SMG6: variants seen among roughly 807,000 people sequenced by gnomAD.
SMG6 encodes the protein telomerase-binding protein EST1A.
SMG6 carries 66 observed loss-of-function variants against 142.2 expected under a neutral mutation model. The observed-to-expected ratio is 0.46, with a 90% confidence interval of 0.38 to 0.57. The LOEUF (loss-of-function observed/expected upper bound fraction) is 0.57, where lower values mean the gene tolerates loss of function less well. SMG6 is among the 20% of genes least tolerant of loss of function. The pLI, the probability that SMG6 is intolerant of heterozygous loss-of-function variation, is 0.00. For synonymous variants in SMG6, 779 were observed against 702.4 expected (o/e 1.11, Z -1.72); for missense variants, 1,793 against 1,832.0 (o/e 0.98, Z 0.39).
At chr17:2,165,807 A>AG (rs1382201782) in intron 13 of SMG6, among the ~76,000 whole-genome samples, 3 of 152,152 alleles carry the variant, frequency 2.0e-5, no homozygotes, top group Admixed American at 1.3e-4. Context: ...CAGGAGGCTG[A>AG]GGGGGGAGGA....
chr17:2,136,000 GTGT>G (rs1567626514), intron 13 of SMG6, among the ~76,000 whole-genome samples: 1 of 41,644 alleles, frequency 2.4e-5, no homozygotes, highest in East Asian at 3.0e-4. Flanking sequence ...ATATTTATGT[GTGT>G]GTGTGTGTGT....
chr17:2,269,390 C>T (rs1045539540), intron 8 of SMG6, among the ~76,000 whole-genome samples: 16 of 115,162 alleles, frequency 1.4e-4, no homozygotes, highest in Non-Finnish European at 2.4e-4. Context: ...AGACTCTGTC[C>T]CAAAAAAAAA....
At chr17:2,164,559 G>A (rs972732568) in intron 13 of SMG6, among the ~76,000 whole-genome samples, 2 of 152,168 alleles carry the variant, frequency 1.3e-5, no homozygotes, top group Non-Finnish European at 2.9e-5. Context: ...AGCGTGCCGA[G>A]ATCGCGCCAC....
intron 8 of SMG6, among the ~76,000 whole-genome samples, chr17:2,257,777 G>T (rs1003215785): frequency 2.0e-5 from 3 of 151,788 alleles, no homozygotes; most frequent in Admixed American, 6.6e-5. Context: ...CCAGCACTTT[G>T]GGGGGCTGGG....
In SMG6 at chr17:2,066,652, TACACACACACACAC is replaced by T. The variant is rs1161956483; in HGVS notation, c.3836-987_3836-974del. Among the ~76,000 whole-genome samples the T allele has an allele frequency of 5.8e-4, 69 of 119,588 alleles. 1 individual carries two copies. Among genetic ancestry groups the T allele is most frequent in the South Asian group, 5.2e-3 (17 of 3,280 alleles). The allele number at this position is 119,588 out of a possible 152,430, so 78.5% of individuals were successfully genotyped here. A position where few individuals can be genotyped will look rare whatever the true frequency, so the allele number is the denominator to read the frequency against. On this transcript the variant is annotated intron_variant, in intron 16 of 18. Coordinates refer to ENST00000263073, the MANE Select transcript of SMG6 (RefSeq NM_017575.5). Reference sequence around the variant, plus strand: ...TTTCTGGAAAGGGCCCATGTGGGAATACACACACACACACACACACACACACACACACACACACA... The same window carrying T: ...TTTCTGGAAAGGGCCCATGTGGGAATACACACACACACACACACACACACA...
chr17:2,245,495 G>A (rs2151303544), intron 8 of SMG6, among the ~76,000 whole-genome samples: 1 of 151,946 alleles, frequency 6.6e-6, no homozygotes, highest in South Asian at 2.1e-4. Context: ...AGCAATTCTC[G>A]TGTCTCAGCC....
At chr17:2,184,306 T>C (rs2071901558) in intron 12 of SMG6, among the ~76,000 whole-genome samples, 1 of 148,236 alleles carries the variant, frequency 6.7e-6, no homozygotes, top group Non-Finnish European at 1.5e-5. Flanking sequence ...GAGGCTACAG[T>C]GAACTGAGAT....
At chr17:2,259,470 G>GA (rs2074264687) in intron 8 of SMG6, among the ~76,000 whole-genome samples, 1 of 151,852 alleles carries the variant, frequency 6.6e-6, no homozygotes, top group Non-Finnish European at 1.5e-5. Context: ...TTGGGCCCAG[G>GA]AGTTTGACCA....
chr17:2,188,816 C>T (rs1392843739), intron 10 of SMG6, among the ~76,000 whole-genome samples: 1 of 152,152 alleles, frequency 6.6e-6, no homozygotes, highest in African/African-American at 2.4e-5. Flanking sequence ...CCTTTAGCTG[C>T]CTACTGATAA....
chr17:2,182,431 C>G (rs1313510590), intron 12 of SMG6, among the ~76,000 whole-genome samples: 1 of 152,142 alleles, frequency 6.6e-6, no homozygotes, highest in African/African-American at 2.4e-5. Flanking sequence ...GTGAGTGCCG[C>G]CCACACCGTT....
chr17:2,073,271 AT>A (rs2068158449), intron 15 of SMG6, among the ~76,000 whole-genome samples: 1 of 151,852 alleles, frequency 6.6e-6, no homozygotes, highest in Non-Finnish European at 1.5e-5. Context: ...TTTAGTAGAG[AT>A]GGGGTTTCAC....
chr17:2,176,544 T>A (rs146110392), intron 12 of SMG6, among the ~76,000 whole-genome samples: 1 of 152,224 alleles, frequency 6.6e-6, no homozygotes, highest in East Asian at 1.9e-4. Flanking sequence ...GTCCACAATA[T>A]CCCGCTAAAG....
In SMG6 at chr17:2,065,646, T is replaced by G; in HGVS notation, c.3869A>C (p.Gln1290Pro). 1 of 1,613,730 alleles carries G rather than the reference T, an allele frequency of 6.2e-7. No individual in the cohort carries two copies. The highest frequency in any genetic ancestry group is 8.5e-7 in the Non-Finnish European group (1 of 1,179,996). The part of the protein sequence containing the change: ...INELDGLAKG[Q>P]ETDHRAGGYA... Reference sequence around the variant, plus strand: ...GCCCCCAGCCCGGTGGTCTGTCTCCTGCCCCTTGGCCAGGCCGTCCAGCTC... The same window carrying G: ...GCCCCCAGCCCGGTGGTCTGTCTCCGGCCCCTTGGCCAGGCCGTCCAGCTC... Residue 1290 changes from glutamine (Q) to proline (P), a missense_variant, in exon 17 of 19, where the codon CAG (glutamine) becomes CCG (proline). Around this residue, in one of 3 missense-constraint regions of SMG6, gnomAD observed 179 missense variants for 212.6 expected, o/e 0.84. Transcript: ENST00000263073.
chr17:2,193,496 G>A (rs2072228514), intron 10 of SMG6, among the ~76,000 whole-genome samples: 1 of 152,168 alleles, frequency 6.6e-6, no homozygotes, highest in African/African-American at 2.4e-5. Flanking sequence ...AGCCCTCGCT[G>A]TCAGTGTTCC....
At chr17:2,177,296 T>C (rs767183410) in intron 12 of SMG6, among the ~76,000 whole-genome samples, 4 of 152,254 alleles carry the variant, frequency 2.6e-5, no homozygotes, top group Non-Finnish European at 5.9e-5. Flanking sequence ...TAATCTACCT[T>C]CTTGCCCAGA....
At chr17:2,199,370 T>C (rs886783417) in intron 10 of SMG6, among the ~76,000 whole-genome samples, 2 of 151,916 alleles carry the variant, frequency 1.3e-5, no homozygotes, top group South Asian at 2.1e-4. Flanking sequence ...TGGTGGCTCA[T>C]GCTTATAATC....
chr17:2,100,472 CTTTG>C (rs574673216), intron 13 of SMG6, among the ~76,000 whole-genome samples: 113 of 152,284 alleles, frequency 7.4e-4, no homozygotes, highest in South Asian at 1.7e-3. Context: ...TGGTGCCCGA[CTTTG>C]TTTGTTTTCT....
intron 13 of SMG6, chr17:2,088,816 T>C (rs1361307206): frequency 1.0e-6 from 1 of 985,300 alleles, no homozygotes; most frequent in Non-Finnish European, 1.2e-6. Context: ...CTGGCCTGTC[T>C]GCAAAAGCAT....
rs2071538725 is a variant in SMG6, at chr17:2,172,606, G to A, written c.3357+52C>T. ...AAACTTCCCAAGAATAAAAAAGTCT[G>A]GAGAATTAAGAGGAGGGGCGAATGG... On this transcript the variant is annotated intron_variant, in intron 13 of 18. Coordinates refer to ENST00000263073, the MANE Select transcript of SMG6 (RefSeq NM_017575.5). The A allele has an allele frequency of 6.3e-6, 10 of 1,580,874 alleles. No homozygotes were observed. In the Admixed American group the frequency reaches 8.4e-5, roughly 13 times the overall value.
Sources: allele counts gnomAD v4.1 joint callset (sites outside exome capture counted in the v4.1 genomes callset), GRCh38; gene constraint gnomAD v4.1.1; regional missense constraint gnomAD v4.1.1; transcripts MANE v1.5; gene names NCBI Gene and HGNC (gene_info 2026-07-23, HGNC 2026-07-21).